FTCD: variants seen among roughly 807,000 people sequenced by gnomAD.
The protein encoded by FTCD is formimidoyltransferase-cyclodeaminase.
FTCD carries 76 observed loss-of-function variants against 62.9 expected under a neutral mutation model. The ratio of observed to expected loss-of-function variants is 1.21; its 90% CI spans 1.00 to 1.46. The LOEUF is 1.46. FTCD is among the 40% of genes most tolerant of loss of function. The pLI is 0.00. For missense variants in FTCD, 845 were observed against 751.3 expected (o/e 1.12, Z -1.46); for synonymous variants, 397 against 336.9 (o/e 1.18, Z -1.95).
At chr21:46,155,262 G>A (rs959903301) in intron 1 of FTCD, among the ~76,000 whole-genome samples, 1 of 152,102 alleles carries the variant, frequency 6.6e-6, no homozygotes, top group Admixed American at 6.6e-5. Flanking sequence ...GCCCCCACAA[G>A]CACCAGTCGT....
At chr21:46,139,034 T>C in intron 10 of FTCD, 111 bp from the exon 11 acceptor site, 1 of 846,864 alleles carries the variant, frequency 1.2e-6, no homozygotes, top group South Asian at 1.3e-5. Context: ...CAGGGACCAG[T>C]TCTCTGGGAA....
chr21:46,146,677 G>C (rs556458178), intron 7 of FTCD: 29 of 388,068 alleles, frequency 7.5e-5, no homozygotes, highest in Admixed American at 3.2e-4. Flanking sequence ...CATCGCTGAC[G>C]GGCGGGAAAG....
At chr21:46,137,200 C>T (rs779422276) in intron 13 of FTCD, 39 bp downstream of exon 13, 13 of 1,580,330 alleles carry the variant, frequency 8.2e-6, no homozygotes, top group Non-Finnish European at 1.1e-5. Context: ...ATCCAGGCCC[C>T]CACGTGGGGT....
intron 10 of FTCD, chr21:46,142,617 G>T (rs1292806837): frequency 6.6e-6 from 1 of 152,264 alleles, no homozygotes; most frequent in Non-Finnish European, 1.5e-5. Flanking sequence ...TAAAGGTAGC[G>T]AAGGCCCAAA....
At chr21:46,150,292 G>A (rs370315659) in intron 6 of FTCD, 42 bp from the exon 7 acceptor site, 1 of 1,608,928 alleles carries the variant, frequency 6.2e-7, no homozygotes, top group Middle Eastern at 1.7e-4. Flanking sequence ...GGGCTGGCTG[G>A]AGAATGGCCC....
chr21:46,151,711 G>C lies in FTCD; in HGVS notation c.483C>G (p.Asp161Glu), dbSNP rs200088595. 1 of 1,612,970 alleles carries C rather than the reference G, an allele frequency of 6.2e-7. No individual in the cohort carries two copies. The highest frequency in any genetic ancestry group is 1.3e-5 in the African/African-American group (1 of 75,070). The change falls in exon 5 of 14, where the codon GAC becomes GAG. Residue 161 changes from aspartate (D) to glutamate (E), a missense_variant. Transcript: ENST00000397746. Reference sequence around the variant, plus strand: ...TGGGGACAAAGGAGCTGGGACCAAAGTCGGGCGCCCAGTCGGCCTGCTGGA... The same window carrying C: ...TGGGGACAAAGGAGCTGGGACCAAACTCGGGCGCCCAGTCGGCCTGCTGGA... ...KKLQQADWAP[D>E]FGPSSFVPSW...
chr21:46,151,697 G>A lies in FTCD; in HGVS notation c.497C>T (p.Ser166Phe), dbSNP rs749329384. 1.2e-6 allele frequency: 2 copies of A among 1,613,004 alleles called. No individual in the cohort carries two copies. The highest frequency in any genetic ancestry group is 2.2e-5 in the East Asian group (1 of 44,884). The change falls in exon 5 of 14, where the codon TCC becomes TTC. Residue 166 changes from serine to phenylalanine, a missense_variant. Coordinates refer to ENST00000397746, the MANE Select transcript of FTCD (RefSeq NM_206965.2). ...ADWAPDFGPS[S>F]FVPSWGATAT... The stretch of plus-strand genomic sequence containing the variant: ...CGTGGCCCCCCAACTGGGGACAAAG[G>A]AGCTGGGACCAAAGTCGGGCGCCCA...
chr21:46,138,787 C>T, intron 11 of FTCD, 93 bp downstream of exon 11: 5 of 1,434,128 alleles, frequency 3.5e-6, no homozygotes, highest in Non-Finnish European at 4.9e-6. Flanking sequence ...CCCAGGCCAA[C>T]CACGCCCCGT....
intron 2 of FTCD, 55 bp downstream of exon 2, chr21:46,154,094 G>A: frequency 6.3e-7 from 1 of 1,578,464 alleles, no homozygotes; most frequent in Non-Finnish European, 8.7e-7. Context: ...CCAGGACAGG[G>A]CTCGGCCCTG....
rs2079123375 is a variant in FTCD at position 46,145,649 on chromosome 21, G to A, written c.1099-71C>T. On this transcript the variant is annotated intron_variant, in intron 9 of 13. Transcript: ENST00000397746. ...CGGGACCGACCCCAGGAAGAGCCAG[G>A]GGCCCGGGTGATCCCTGCGGGGGTC... is the stretch of plus-strand genomic sequence containing the variant. The A allele has an allele frequency of 2.4e-6, 3 of 1,264,260 alleles. No individual in the cohort carries two copies. The East Asian group carries it at 8.0e-5, about 34-fold the overall frequency. The allele number at this position is 1,264,260 out of a possible 1,614,324, so 78.3% of individuals were successfully genotyped here.
At chr21:46,136,720 C>G, downstream of FTCD, 1 of 1,475,964 alleles carries the variant, frequency 6.8e-7, no homozygotes, top group Non-Finnish European at 9.0e-7. Flanking sequence ...TGCTCCTGCC[C>G]CAAGACCCGC....
chr21:46,154,169 A>G lies in FTCD; in HGVS notation c.218T>C (p.Ile73Thr), dbSNP rs772894833. 5.6e-6 allele frequency: 9 copies of G among 1,612,700 alleles called. No homozygotes were observed. The highest frequency in any genetic ancestry group is 2.2e-5 in the South Asian group (2 of 91,090). ...LNAARVASRLIDMSRHQGEHP... is the reference protein window; with the variant it reads ...LNAARVASRLTDMSRHQGEHP... ...CTCACCTTGGTGCCTGCTCATGTCG[A>G]TAAGTCGGGAAGCTACCCGGGCAGC... Residue 73 changes from isoleucine (I) to threonine (T), a missense_variant, in exon 2 of 14, where the codon ATC (isoleucine) becomes ACC (threonine). Physicochemically the swap from Ile to Thr is moderately conservative, Grantham distance 89. Transcript: ENST00000397746.
chr21:46,139,295 G>A (rs1333149648), intron 10 of FTCD, among the ~76,000 whole-genome samples: 1 of 152,158 alleles, frequency 6.6e-6, no homozygotes, highest in African/African-American at 2.4e-5. Context: ...CCGCCCCCAA[G>A]CCTGGGCATA....
rs372447006 is a variant in FTCD at position 46,152,467 on chromosome 21, C to T, written c.367+440G>A. 255 of 201,956 alleles carry T rather than the reference C, an allele frequency of 1.3e-3. 2 individuals carry two copies. The highest frequency in any genetic ancestry group is 4.3e-3 in the African/African-American group (184 of 43,118). The allele number at this position is 201,956 out of a possible 1,614,324, so 12.5% of individuals were successfully genotyped here. A position where few individuals can be genotyped will look rare whatever the true frequency, so the allele number is the denominator to read the frequency against. On this transcript the variant is annotated intron_variant, in intron 3 of 13. Transcript: ENST00000397746. ...GCCGGCGTGACCGTGACGGGGGTTA[C>T]GTGTGCCCTGCACGCTGGCGTGACT...
intron 2 of FTCD, 93 bp downstream of exon 2, chr21:46,154,055 GC>G: frequency 1.5e-6 from 2 of 1,344,926 alleles, no homozygotes; most frequent in Non-Finnish European, 1.1e-6. Flanking sequence ...CCAAGCCTGG[GC>G]CCCGGGCCTA....
intron 7 of FTCD, chr21:46,146,573 T>C (rs2079153016): frequency 3.4e-6 from 2 of 579,916 alleles, no homozygotes; most frequent in South Asian, 4.2e-5. Flanking sequence ...TGAGTTGCCC[T>C]TGGGGAACCT....
intron 10 of FTCD, among the ~76,000 whole-genome samples, chr21:46,141,056 C>A (rs561774448): frequency 1.3e-5 from 2 of 152,236 alleles, no homozygotes; most frequent in Non-Finnish European, 2.9e-5. Flanking sequence ...ATTACATTTT[C>A]ATCTATGTAC....
At position 46,145,550 on chromosome 21, in the gene FTCD, A is replaced by G; in HGVS notation, c.1127T>C (p.Leu376Pro). Reference sequence around the variant, plus strand: ...GAATTGGCGCCGCCCGTAGGTCATGAGGCCCACCATGGAGCCCAGCGCCGC... The same window carrying G: ...GAATTGGCGCCGCCCGTAGGTCATGGGGCCCACCATGGAGCCCAGCGCCGC... ...MGAALGSMVG[L>P]MTYGRRQFQS... The change falls in exon 10 of 14, where the codon CTC becomes CCC. Residue 376 changes from leucine to proline, a missense_variant. Coordinates refer to ENST00000397746, the MANE Select transcript of FTCD (RefSeq NM_206965.2). 1 of 1,545,074 alleles carries G rather than the reference A, an allele frequency of 6.5e-7. No individual in the cohort carries two copies. Among genetic ancestry groups the G allele is most frequent in the Non-Finnish European group, 8.7e-7 (1 of 1,144,636 alleles).
At chr21:46,143,192 G>C (rs1043273267) in intron 10 of FTCD, among the ~76,000 whole-genome samples, 3 of 152,166 alleles carry the variant, frequency 2.0e-5, no homozygotes, top group African/African-American at 7.2e-5. Context: ...TTGTAAGGTA[G>C]ACTTCCCAAC....
Sources: gnomAD v4.1 joint callset for allele counts (sites outside exome capture counted in the v4.1 genomes callset) on GRCh38, gnomAD v4.1.1 for gene constraint, MANE v1.5 for transcripts, NCBI Gene and HGNC (gene_info 2026-07-23, HGNC 2026-07-21) for gene names.